ECT2L: variants seen among roughly 807,000 people sequenced by gnomAD.
ECT2L encodes epithelial cell transforming 2 like.
A neutral mutation model predicts 122.8 loss-of-function variants in ECT2L; 126 were observed. That is an observed-to-expected ratio of 1.03 (90% CI 0.89 to 1.19). The LOEUF (loss-of-function observed/expected upper bound fraction) is 1.19, where lower values mean the gene tolerates loss of function less well. Among genes scored for constraint, ECT2L ranks in the 50% most tolerant of loss-of-function variants. ECT2L has a pLI of 0.00. For missense variants in ECT2L, 1,012 were observed against 1,064.1 expected (o/e 0.95, Z 0.68); for synonymous variants, 385 against 381.8 (o/e 1.01, Z -0.10).
chr6:138,883,580 G>T (rs746712165), intron 16 of ECT2L, among the ~76,000 whole-genome samples: 2 of 152,224 alleles, frequency 1.3e-5, no homozygotes, highest in Non-Finnish European at 2.9e-5. Context: ...CCTGTGGGCT[G>T]GGAGGCCTCT....
At chr6:138,810,176 A>T (rs1316336781) in intron 1 of ECT2L, among the ~76,000 whole-genome samples, 1 of 152,210 alleles carries the variant, frequency 6.6e-6, no homozygotes, top group Non-Finnish European at 1.5e-5. Flanking sequence ...AGGAATATAA[A>T]AGAATTCAGA....
At chr6:138,837,943 C>G (rs955200375) in intron 4 of ECT2L, among the ~76,000 whole-genome samples, 2 of 150,666 alleles carry the variant, frequency 1.3e-5, no homozygotes, top group Non-Finnish European at 2.9e-5. Context: ...CTCTGTTGCC[C>G]AGGCTGGAGT....
chr6:138,840,860 C>G (rs1777015160), intron 5 of ECT2L, among the ~76,000 whole-genome samples: 1 of 152,102 alleles, frequency 6.6e-6, no homozygotes, highest in Non-Finnish European at 1.5e-5. Flanking sequence ...CTGCCCCATT[C>G]TCTCCCTTTT....
intron 4 of ECT2L, among the ~76,000 whole-genome samples, chr6:138,826,143 C>T (rs1776443716): frequency 6.6e-6 from 1 of 152,176 alleles, no homozygotes; most frequent in Non-Finnish European, 1.5e-5. Context: ...ACTTAACTTG[C>T]CTGATCACCC....
At chr6:138,844,649 T>G (rs1410789185) in intron 7 of ECT2L, 69 bp downstream of exon 7, 28 of 1,432,864 alleles carry the variant, frequency 2.0e-5, no homozygotes, top group Non-Finnish European at 2.7e-5. Context: ...TAGAATAAAT[T>G]TAGCTATCAC....
chr6:138,832,414 C>T (rs1356358555), intron 4 of ECT2L, among the ~76,000 whole-genome samples: 3 of 152,140 alleles, frequency 2.0e-5, no homozygotes, highest in Admixed American at 2.0e-4. Context: ...TGTGGAGGCA[C>T]ATGGGATGGT....
At chr6:138,875,452 T>C (rs1464705277) in intron 13 of ECT2L, among the ~76,000 whole-genome samples, 3 of 152,258 alleles carry the variant, frequency 2.0e-5, no homozygotes, top group Admixed American at 6.5e-5. Context: ...ATTGGTAGTT[T>C]TGTCTTTGAT....
Position 138,882,856 on chromosome 6 carries a change from G to C in ECT2L, c.2013G>C (p.Leu671=). The change falls in exon 16 of 22, where the codon CTG becomes CTC. Residue 671 remains leucine, a synonymous_variant. Transcript: ENST00000541398. The part of the protein sequence containing the change: ...TNFFNNYPVI[L]KTIEKCREMI... ...TCTTCAACAATTACCCTGTCATTCT[G>C]AAAACTATTGAGAAGGTAAATGAGT... The C allele has an allele frequency of 6.2e-7, 1 of 1,614,004 alleles. No homozygotes were observed. The highest frequency in any genetic ancestry group is 8.5e-7 in the Non-Finnish European group (1 of 1,179,970).
At chr6:138,835,572 T>G (rs1776806043) in intron 4 of ECT2L, among the ~76,000 whole-genome samples, 1 of 151,540 alleles carries the variant, frequency 6.6e-6, no homozygotes, top group Admixed American at 6.6e-5. Flanking sequence ...AAAAAAATAG[T>G]TAACAGTTTA....
At chr6:138,876,666 G>T in intron 14 of ECT2L, 108 bp downstream of exon 14, 1 of 620,886 alleles carries the variant, frequency 1.6e-6, no homozygotes, top group Non-Finnish European at 2.5e-6. Context: ...TCCCTTTGGG[G>T]GATTAAAAAA....
chr6:138,877,475 T>C (rs1301178660), intron 14 of ECT2L, among the ~76,000 whole-genome samples: 2 of 152,156 alleles, frequency 1.3e-5, no homozygotes, highest in African/African-American at 4.8e-5. Context: ...AAAATGATTA[T>C]AAATGTTGGA....
At chr6:138,878,727 A>G (rs757287451) in intron 14 of ECT2L, among the ~76,000 whole-genome samples, 18 of 152,198 alleles carry the variant, frequency 1.2e-4, no homozygotes, top group African/African-American at 1.7e-4. Flanking sequence ...GATTACAGGC[A>G]TGAGCCACCG....
intron 16 of ECT2L, among the ~76,000 whole-genome samples, chr6:138,884,857 A>G (rs186749553): frequency 6.6e-6 from 1 of 152,114 alleles, no homozygotes; most frequent in African/African-American, 2.4e-5. Flanking sequence ...CATGTTACAG[A>G]TGAGAAAACT....
intron 13 of ECT2L, among the ~76,000 whole-genome samples, chr6:138,875,123 T>C (rs7767136): frequency 0.1 from 15,672 of 152,106 alleles, 1,573 homozygotes; most frequent in African/African-American, 0.27. Context: ...CCTCCCTGGC[T>C]CCAAGCCATA....
At chr6:138,880,758 C>T (rs374220154) in intron 14 of ECT2L, among the ~76,000 whole-genome samples, 199 bp from the exon 15 acceptor site, 12 of 152,300 alleles carry the variant, frequency 7.9e-5, no homozygotes, top group African/African-American at 2.9e-4. Context: ...TCTACTTGGC[C>T]ATCAGGCTGG....
At chr6:138,893,182 T>G (rs1319383808) in intron 20 of ECT2L, among the ~76,000 whole-genome samples, 2 of 146,556 alleles carry the variant, frequency 1.4e-5, no homozygotes, top group African/African-American at 5.2e-5. Flanking sequence ...TTGTTTTTTT[T>G]TTGTTTTTTT....
intron 20 of ECT2L, among the ~76,000 whole-genome samples, chr6:138,893,209 A>G (rs1463050405): frequency 7.9e-6 from 1 of 127,068 alleles, no homozygotes; most frequent in East Asian, 2.3e-4. Flanking sequence ...TTTTTTCCCC[A>G]CCTCTAACAT....
rs138530103 is a variant in ECT2L at position 138,897,622 on chromosome 6, T to C, written c.2415-3326T>C. ...AACATTGTTGGAGATCTTGAGGGGC[T>C]TAATTTAGTAAATGGCTTTTGAAAA... On this transcript the variant is annotated intron_variant, in intron 20 of 21. Transcript: ENST00000541398. 1.8e-4 allele frequency among the ~76,000 whole-genome samples: 28 copies of C among 152,326 alleles called. No individual in the cohort carries two copies. In the East Asian group the frequency reaches 5.4e-3, roughly 29 times the overall value.
intron 20 of ECT2L, among the ~76,000 whole-genome samples, chr6:138,896,574 T>C (rs1779220630): frequency 6.6e-6 from 1 of 152,202 alleles, no homozygotes; most frequent in Non-Finnish European, 1.5e-5. Context: ...GGCTAGGTGA[T>C]AATCAGTTTT....
Sources: allele counts gnomAD v4.1 joint callset (sites outside exome capture counted in the v4.1 genomes callset), GRCh38; gene constraint gnomAD v4.1.1; transcripts MANE v1.5; gene names NCBI Gene and HGNC (gene_info 2026-07-23, HGNC 2026-07-21).